HMCN1: variants seen among roughly 807,000 people sequenced by gnomAD.
HMCN1 encodes the protein hemicentin-1.
HMCN1 carries 321 observed loss-of-function variants against 625.9 expected under a neutral mutation model. That is an observed-to-expected ratio of 0.51 (90% CI 0.47 to 0.56). The LOEUF (loss-of-function observed/expected upper bound fraction) is 0.56. HMCN1 is among the 20% of genes least tolerant of loss of function. The pLI, the probability that HMCN1 is intolerant of heterozygous loss-of-function variation, is 0.00. For missense variants in HMCN1, 6,588 were observed against 6,887.3 expected (o/e 0.96, Z 1.54); for synonymous variants, 2,425 against 2,417.6 (o/e 1.00, Z -0.09).
chr1:186,045,633 T>C (rs1656506688), intron 40 of HMCN1, 55 bp from the exon 41 acceptor site: 1 of 1,315,222 alleles, frequency 7.6e-7, no homozygotes, highest in South Asian at 1.2e-5. Context: ...AATTGATGAA[T>C]GTAAACAGTG....
intron 105 of HMCN1, 152 bp from the exon 106 acceptor site, chr1:186,187,731 T>G: frequency 1.1e-6 from 1 of 945,538 alleles, no homozygotes; most frequent in Non-Finnish European, 1.7e-6. Flanking sequence ...TGATCCCCAT[T>G]TTGTGGTTAA....
chr1:186,175,888 A>G (rs1170959007), intron 103 of HMCN1, among the ~76,000 whole-genome samples: 19 of 148,454 alleles, frequency 1.3e-4, no homozygotes, highest in African/African-American at 4.0e-4. Flanking sequence ...AAAAAAAAAA[A>G]AAAGAAAGAA....
At chr1:186,039,666 C>T (rs1656077449) in intron 38 of HMCN1, 62 bp from the exon 39 acceptor site, 1 of 1,539,686 alleles carries the variant, frequency 6.5e-7, no homozygotes, top group Admixed American at 1.7e-5. Flanking sequence ...ATGTAGTTTT[C>T]ATCATTTGAG....
chr1:185,876,585 C>T (rs868719686), intron 4 of HMCN1, among the ~76,000 whole-genome samples: 1 of 152,138 alleles, frequency 6.6e-6, no homozygotes, highest in Middle Eastern at 3.4e-3. Context: ...TCTTTTTTGA[C>T]TTTTTAGTAA....
At chr1:186,012,002 G>T (rs546094231) in intron 30 of HMCN1, among the ~76,000 whole-genome samples, 1 of 152,162 alleles carries the variant, frequency 6.6e-6, no homozygotes, top group Admixed American at 6.6e-5. Flanking sequence ...TTGACCTGCT[G>T]TGTGGTAAGG....
In HMCN1 at chr1:186,152,841, G is replaced by C. The variant is rs772598553; in HGVS notation, c.14988G>C (p.Gln4996His). Residue 4996 changes from glutamine (Q) to histidine (H), a missense_variant, in exon 96 of 107, where the codon CAG becomes CAC. By Grantham distance (24) the Gln-to-His change is conservative (BLOSUM62 0). Transcript: ENST00000271588. ...TCGTTGTGAGTGGCTATGTCCTACA[G>C]CTTCAGTCACCTGCTGAAGTCACTG... ...LDIVVSGYVL[Q>H]LQSPAEVTVK... 1.2e-6 allele frequency: 2 copies of C among 1,613,968 alleles called. No individual in the cohort carries two copies. The highest frequency in any genetic ancestry group is 3.3e-5 in the Admixed American group (2 of 60,014).
intron 49 of HMCN1, among the ~76,000 whole-genome samples, chr1:186,066,063 C>T (rs1658089714): frequency 1.3e-5 from 2 of 152,058 alleles, no homozygotes; most frequent in Admixed American, 1.3e-4. Context: ...AAAGATACCA[C>T]CATAGATAGA....
Position 185,963,799 on chromosome 1 carries a change from A to G in HMCN1, c.2002A>G (p.Ile668Val), listed in dbSNP as rs753201991. The G allele has an allele frequency of 3.1e-6, 5 of 1,609,356 alleles. No homozygotes were observed. In the South Asian group the frequency reaches 4.4e-5, roughly 14 times the overall value. Residue 668 changes from isoleucine (I) to valine (V), a missense_variant, in exon 13 of 107, where the codon ATC becomes GTC. This residue lies in a region of HMCN1 where 4,628 missense variants were observed against 4,853.1 expected (regional missense o/e 0.95). Coordinates refer to ENST00000271588, the MANE Select transcript of HMCN1 (RefSeq NM_031935.3). ...GATGACCTCAGATGGTACCTTATTT[A>G]TCAAAAATGCAGCTCCCAAAGATGC... ...YRMTSDGTLFIKNAAPKDAGI... is the reference protein window; with the variant it reads ...YRMTSDGTLFVKNAAPKDAGI...
At chr1:185,802,909 T>A (rs943728647) in intron 1 of HMCN1, among the ~76,000 whole-genome samples, 12 of 152,080 alleles carry the variant, frequency 7.9e-5, no homozygotes, top group African/African-American at 2.7e-4. Flanking sequence ...GTTTTGTTTT[T>A]GTGTTTTATA....
chr1:186,039,803 C>T lies in HMCN1; in HGVS notation c.6104C>T (p.Ala2035Val). ...VNNPVRLECE[A>V]RGIPAPSLTW... ...AACCCGGTGAGGTTAGAATGTGAAG[C>T]CAGAGGTATTCCTGCCCCAAGTCTG... Residue 2035 changes from alanine to valine, a missense_variant, in exon 39 of 107, where the codon GCC becomes GTC. By Grantham distance (64) the Ala-to-Val change is moderately conservative. Coordinates refer to ENST00000271588, the MANE Select transcript of HMCN1 (RefSeq NM_031935.3). The T allele has an allele frequency of 6.2e-7, 1 of 1,613,270 alleles. No individual in the cohort carries two copies.
intron 23 of HMCN1, chr1:185,993,550 T>A (rs1558125591): frequency 6.9e-6 from 3 of 437,816 alleles, no homozygotes; most frequent in East Asian, 9.3e-5. Context: ...TGGATCTCAA[T>A]TTTTCTACTG....
Position 186,061,864 on chromosome 1 carries a change from A to G in HMCN1, c.7326A>G (p.Leu2442=). 1.2e-6 allele frequency: 2 copies of G among 1,611,060 alleles called. No homozygotes were observed. Among genetic ancestry groups the G allele is most frequent in the South Asian group, 1.1e-5 (1 of 90,986 alleles). ...TTGCTTCTGCAGGAGGCAGGATGCT[A>G]CGGCTGATGCAGACCACAATGGAAG... ...SVRILSGGRM[L]RLMQTTMEDA... is the part of the protein sequence containing the mutation. The change falls in exon 47 of 107, where the codon CTA becomes CTG. Residue 2442 remains leucine, a synonymous_variant. Coordinates refer to ENST00000271588, the MANE Select transcript of HMCN1 (RefSeq NM_031935.3).
intron 2 of HMCN1, among the ~76,000 whole-genome samples, chr1:185,863,991 A>G (rs1484383987): frequency 5.3e-5 from 8 of 152,194 alleles, no homozygotes; most frequent in East Asian, 3.8e-4. Flanking sequence ...AGCCCTAGCC[A>G]TGGGTCCATA....
Position 186,062,612 on chromosome 1 carries a change from G to C in HMCN1, c.7513+12G>C. The C allele has an allele frequency of 6.3e-7, 1 of 1,584,878 alleles. No individual in the cohort carries two copies. The highest frequency in any genetic ancestry group is 8.7e-7 in the Non-Finnish European group (1 of 1,153,752). ...TTGTGAAGTGACAGGTATGGGCTCAGCTCTCAGACTTTTGGTGCTCCCCCC... is the reference window on the plus strand; with the variant it reads ...TTGTGAAGTGACAGGTATGGGCTCACCTCTCAGACTTTTGGTGCTCCCCCC... On this transcript the variant is annotated intron_variant, in intron 48 of 106. Coordinates refer to ENST00000271588, the MANE Select transcript of HMCN1 (RefSeq NM_031935.3).
At chr1:186,051,777 T>C (rs1469933491) in intron 42 of HMCN1, among the ~76,000 whole-genome samples, 1 of 151,972 alleles carries the variant, frequency 6.6e-6, no homozygotes, top group Non-Finnish European at 1.5e-5. Flanking sequence ...AACAGAAGAA[T>C]AGGCAGCTGG....
intron 69 of HMCN1, among the ~76,000 whole-genome samples, chr1:186,106,615 T>G (rs542972080): frequency 2.6e-5 from 4 of 152,338 alleles, no homozygotes; most frequent in Admixed American, 2.6e-4. Context: ...CTAGGTCCTA[T>G]ATATATCTGC....
intron 63 of HMCN1, among the ~76,000 whole-genome samples, chr1:186,090,285 A>G (rs183536587): frequency 8.5e-5 from 13 of 152,134 alleles, no homozygotes; most frequent in Non-Finnish European, 1.0e-4. Flanking sequence ...AAAATAAACA[A>G]TAATTAAATT....
chr1:185,817,252 T>C (rs1020163479), intron 1 of HMCN1, among the ~76,000 whole-genome samples: 2 of 152,142 alleles, frequency 1.3e-5, no homozygotes, highest in Non-Finnish European at 2.9e-5. Flanking sequence ...TCATTCTAAC[T>C]GGGAGGGAAG....
At chr1:186,007,632 A>G (rs910810292) in intron 30 of HMCN1, among the ~76,000 whole-genome samples, 10 of 152,158 alleles carry the variant, frequency 6.6e-5, no homozygotes, top group African/African-American at 2.4e-4. Flanking sequence ...TATGAAATAG[A>G]ATGAAGTTGA....
Sources: allele counts gnomAD v4.1 joint callset (sites outside exome capture counted in the v4.1 genomes callset), GRCh38; gene constraint gnomAD v4.1.1; regional missense constraint gnomAD v4.1.1; transcripts MANE v1.5; gene names NCBI Gene and HGNC (gene_info 2026-07-23, HGNC 2026-07-21).